The following PITPNB variants were observed in gnomAD, a reference collection of about 807,000 sequenced individuals.
PITPNB encodes the protein phosphatidylinositol transfer protein beta, also known as phosphatidylinositol transfer protein beta isoform.
In PITPNB, 16 loss-of-function variants were observed where a neutral mutation model predicts 45.9. The observed-to-expected ratio is 0.35, with a 90% CI of 0.24 to 0.53. PITPNB has a LOEUF of 0.53. PITPNB is among the 20% of genes least tolerant of loss of function. PITPNB has a pLI of 0.93. For synonymous variants in PITPNB, 112 were observed against 108.9 expected (o/e 1.03, Z -0.18); for missense variants, 188 against 330.5 (o/e 0.57, Z 3.34).
chr22:27,893,268 G>C (rs1935332436), intron 7 of PITPNB, among the ~76,000 whole-genome samples: 1 of 151,252 alleles, frequency 6.6e-6, no homozygotes, highest in Non-Finnish European at 1.5e-5. Flanking sequence ...GGCAAGATGA[G>C]ACAGGGGTCT....
intron 3 of PITPNB, among the ~76,000 whole-genome samples, chr22:27,900,190 ACT>A (rs974916562): frequency 6.0e-5 from 9 of 151,180 alleles, no homozygotes; most frequent in Admixed American, 1.3e-4. Context: ...ACATAGCAAG[ACT>A]CTGTCTTTAA....
At chr22:27,871,529 T>C (rs995037612) in intron 8 of PITPNB, among the ~76,000 whole-genome samples, 1 of 152,192 alleles carries the variant, frequency 6.6e-6, no homozygotes, top group Non-Finnish European at 1.5e-5. Context: ...TCTGGGCTGC[T>C]CTCTGGCATG....
rs140249625 is a variant in PITPNB, at chr22:27,865,339, T to C, written c.535-5098A>G. Among the ~76,000 whole-genome samples, 1,035 of 152,358 alleles carry C rather than the reference T, an allele frequency of 6.8e-3. 7 individuals carry two copies. Among genetic ancestry groups the C allele is most frequent in the African/African-American group, 0.023 (940 of 41,596 alleles). The stretch of plus-strand genomic sequence containing the variant: ...GGCTTTTGGCTTCTTTTTTCTGATG[T>C]TTAATAAATTAAATCTAAACAAAGC... On this transcript the variant is annotated intron_variant, in intron 8 of 11. Transcript: ENST00000335272.
At chr22:27,897,257 A>C (rs1935462453) in intron 4 of PITPNB, 120 bp from the exon 5 acceptor site, 1 of 771,336 alleles carries the variant, frequency 1.3e-6, no homozygotes, top group Admixed American at 1.9e-5. Context: ...AAAACAGAAC[A>C]TTTATTTAGT....
rs141368172 is a variant in PITPNB at position 27,889,988 on chromosome 22, C to T, written c.456+4567G>A. ...CTTCAGGTGGTCCAGGTGTTTGGGACAGAAGCTAATCCTAAAACACTAACT... is the reference window on the plus strand; with the variant it reads ...CTTCAGGTGGTCCAGGTGTTTGGGATAGAAGCTAATCCTAAAACACTAACT... On this transcript the variant is annotated intron_variant, in intron 7 of 11. Coordinates refer to ENST00000335272, the MANE Select transcript of PITPNB (RefSeq NM_012399.5). 6.8e-3 allele frequency among the ~76,000 whole-genome samples: 1,032 copies of T among 152,252 alleles called. 6 individuals carry two copies. The highest frequency in any genetic ancestry group is 0.023 in the African/African-American group (937 of 41,538).
At chr22:27,860,417 G>A (rs117470068) in intron 8 of PITPNB, 176 bp from the exon 9 acceptor site, 2 of 516,620 alleles carry the variant, frequency 3.9e-6, no homozygotes, top group Non-Finnish European at 6.9e-6. Flanking sequence ...GTATTCCCCT[G>A]CTGTAAACCC....
intron 7 of PITPNB, 126 bp from the exon 8 acceptor site, chr22:27,873,941 C>T (rs1569012103): frequency 1.6e-6 from 1 of 627,896 alleles, no homozygotes. Context: ...TGTGCTTTTG[C>T]GTAAAAGTAG....
chr22:27,881,095 G>T (rs2146377517), intron 7 of PITPNB, among the ~76,000 whole-genome samples: 1 of 152,258 alleles, frequency 6.6e-6, no homozygotes, highest in Non-Finnish European at 1.5e-5. Flanking sequence ...GAATAATGTA[G>T]GAAACATTTT....
intron 8 of PITPNB, among the ~76,000 whole-genome samples, chr22:27,864,000 T>C (rs1370438024): frequency 6.6e-6 from 1 of 152,216 alleles, no homozygotes; most frequent in Non-Finnish European, 1.5e-5. Context: ...AGTCCCAATC[T>C]GATTTTTGTT....
chr22:27,887,049 C>G (rs1303439168), intron 7 of PITPNB, among the ~76,000 whole-genome samples: 1 of 152,070 alleles, frequency 6.6e-6, no homozygotes, highest in Non-Finnish European at 1.5e-5. Context: ...TTTCTTTTTC[C>G]AAATCACCAC....
intron 7 of PITPNB, among the ~76,000 whole-genome samples, chr22:27,879,017 C>A (rs1934894765): frequency 6.6e-6 from 1 of 152,148 alleles, no homozygotes; most frequent in Non-Finnish European, 1.5e-5. Flanking sequence ...CAAATCTACA[C>A]CCCTGAACAT....
chr22:27,859,717 C>T (rs993364062), intron 9 of PITPNB, among the ~76,000 whole-genome samples: 1 of 152,210 alleles, frequency 6.6e-6, no homozygotes, highest in African/African-American at 2.4e-5. Flanking sequence ...GGCACACATA[C>T]ATATTCTGAG....
At chr22:27,913,559 G>A (rs1935995738) in intron 2 of PITPNB, among the ~76,000 whole-genome samples, 1 of 152,302 alleles carries the variant, frequency 6.6e-6, no homozygotes, top group South Asian at 2.1e-4. Context: ...TGCAAGTTCT[G>A]AATAGGTGAT....
intron 1 of PITPNB, among the ~76,000 whole-genome samples, chr22:27,918,324 T>C (rs1162707425): frequency 6.6e-6 from 1 of 152,130 alleles, no homozygotes; most frequent in African/African-American, 2.4e-5. Flanking sequence ...AACCAACGAA[T>C]GGGCCATACT....
intron 8 of PITPNB, among the ~76,000 whole-genome samples, chr22:27,866,256 A>T (rs1164733137): frequency 6.6e-6 from 1 of 152,242 alleles, no homozygotes; most frequent in Non-Finnish European, 1.5e-5. Flanking sequence ...CCAAAATTGT[A>T]TTTAAATAGT....
At chr22:27,866,273 A>G (rs1431239778) in intron 8 of PITPNB, among the ~76,000 whole-genome samples, 1 of 152,210 alleles carries the variant, frequency 6.6e-6, no homozygotes, top group African/African-American at 2.4e-5. Flanking sequence ...TAGTTTGTAT[A>G]TTCACTGAAT....
chr22:27,882,249 C>T (rs987410199), intron 7 of PITPNB, among the ~76,000 whole-genome samples: 2 of 151,692 alleles, frequency 1.3e-5, no homozygotes, highest in Non-Finnish European at 2.9e-5. Flanking sequence ...TTTTTTTAAA[C>T]AATATACACC....
At chr22:27,886,925 A>C (rs914392242) in intron 7 of PITPNB, among the ~76,000 whole-genome samples, 5 of 152,222 alleles carry the variant, frequency 3.3e-5, no homozygotes, top group African/African-American at 1.2e-4. Flanking sequence ...GAAGTCATTA[A>C]ATACAGAATG....
chr22:27,886,426 A>C (rs781771075), intron 7 of PITPNB, among the ~76,000 whole-genome samples: 11 of 152,250 alleles, frequency 7.2e-5, no homozygotes, highest in Non-Finnish European at 1.6e-4. Context: ...GGTCACACTG[A>C]CAGATTTTTA....
Sources: allele counts gnomAD v4.1 joint callset (sites outside exome capture counted in the v4.1 genomes callset), GRCh38; gene constraint gnomAD v4.1.1; transcripts MANE v1.5; gene names NCBI Gene and HGNC (gene_info 2026-07-23, HGNC 2026-07-21).